Variants in RNF17 observed in about 807,000 individuals in gnomAD.
RNF17 encodes spermatogenesis associated 23.
A neutral mutation model predicts 200.5 loss-of-function variants in RNF17; 31 were observed. The observed-to-expected ratio is 0.15, with a 90% CI of 0.12 to 0.21. The LOEUF (loss-of-function observed/expected upper bound fraction) is 0.21. Ranked by LOEUF, RNF17 falls within the 10% of genes least tolerant of loss-of-function variation. RNF17 has a pLI of 1.00. For missense variants in RNF17, 1,628 were observed against 1,905.1 expected, an observed-to-expected ratio of 0.85 and a Z score of 2.71; for synonymous variants, 606 against 637.8, an observed-to-expected ratio of 0.95 and a Z score of 0.75.
At position 24,838,663 on chromosome 13, in the gene RNF17, A is replaced by G. The variant is rs143999391; in HGVS notation, c.2483-3378A>G. ...CTCCCAGGAATTTGGCATACAAGGGACATACCTTAATGTAATAAAAGCCAT... is the reference window on the plus strand; with the variant it reads ...CTCCCAGGAATTTGGCATACAAGGGGCATACCTTAATGTAATAAAAGCCAT... On this transcript the variant is annotated intron_variant, in intron 18 of 35. Coordinates refer to ENST00000255324, the MANE Select transcript of RNF17 (RefSeq NM_031277.3). 4.4e-3 allele frequency among the ~76,000 whole-genome samples: 663 copies of G among 152,290 alleles called. 4 individuals carry two copies. The highest frequency in any genetic ancestry group is 0.015 in the African/African-American group (629 of 41,566).
In RNF17 at chr13:24,804,314, A is replaced by G. The variant is rs1885596582; in HGVS notation, c.1976A>G (p.His659Arg). 2 of 1,613,070 alleles carry G rather than the reference A, an allele frequency of 1.2e-6. No homozygotes were observed. The highest frequency in any genetic ancestry group is 1.7e-5 in the Admixed American group (1 of 59,952). ...AKFKSQSLRS[H>R]FEKNTTLHYH... The stretch of plus-strand genomic sequence containing the variant: ...TTTAAGTCACAATCACTAAGAAGTC[A>G]CTTTGAAAAAAATACTACTTTACAC... The change falls in exon 15 of 36, where the codon CAC becomes CGC. Residue 659 changes from histidine (H) to arginine (R), a missense_variant. By Grantham distance (29) the His-to-Arg change is conservative. Around this residue, in one of 5 missense-constraint regions of RNF17, gnomAD observed 289 missense variants for 384.9 expected, o/e 0.75. Transcript: ENST00000255324.
At chr13:24,815,335 T>G (rs1371429662) in intron 15 of RNF17, among the ~76,000 whole-genome samples, 2 of 152,176 alleles carry the variant, frequency 1.3e-5, no homozygotes, top group Non-Finnish European at 2.9e-5. Flanking sequence ...CTCTTCAATT[T>G]GCTCATTTAC....
chr13:24,798,652 A>T (rs919246458), intron 11 of RNF17, among the ~76,000 whole-genome samples: 5 of 152,138 alleles, frequency 3.3e-5, no homozygotes, highest in South Asian at 2.1e-4. Context: ...AGTTTTCCTC[A>T]CCTATGATAG....
intron 23 of RNF17, 112 bp downstream of exon 23, chr13:24,850,555 A>C: frequency 1.4e-6 from 1 of 695,202 alleles, no homozygotes; most frequent in South Asian, 2.2e-5. Flanking sequence ...TTTTGTTACA[A>C]ATTTTGTCGG....
intron 24 of RNF17, among the ~76,000 whole-genome samples, chr13:24,852,557 T>C (rs945000269): frequency 6.6e-6 from 1 of 152,208 alleles, no homozygotes; most frequent in Non-Finnish European, 1.5e-5. Context: ...TTAACTTATA[T>C]CTTACCTTCT....
intron 18 of RNF17, among the ~76,000 whole-genome samples, chr13:24,839,042 A>C (rs1417703443): frequency 6.6e-6 from 1 of 152,198 alleles, no homozygotes; most frequent in Admixed American, 6.5e-5. Context: ...CCAAGTGGAG[A>C]ATCAAATCAA....
chr13:24,860,746 A>C (rs1224307616), intron 26 of RNF17, among the ~76,000 whole-genome samples: 1 of 152,200 alleles, frequency 6.6e-6, no homozygotes, highest in Admixed American at 6.5e-5. Context: ...TTTTTTCAAA[A>C]AAAAGTCTGA....
chr13:24,807,009 T>C (rs1885970618), intron 15 of RNF17, among the ~76,000 whole-genome samples: 1 of 152,028 alleles, frequency 6.6e-6, no homozygotes, highest in East Asian at 1.9e-4. Context: ...TAGTATTCCA[T>C]GGTGTATGTG....
At chr13:24,844,004 T>G in intron 20 of RNF17, 33 bp downstream of exon 20, 1 of 625,776 alleles carries the variant, frequency 1.6e-6, no homozygotes, top group Non-Finnish European at 2.4e-6. Flanking sequence ...ATAAGGAAAA[T>G]ATTGCATATG....
intron 3 of RNF17, among the ~76,000 whole-genome samples, chr13:24,775,971 C>T (rs1427981390): frequency 1.3e-5 from 2 of 152,102 alleles, no homozygotes; most frequent in Non-Finnish European, 2.9e-5. Context: ...GATCAATTTC[C>T]TGGAACTGTA....
chr13:24,849,607 A>T (rs980578744), intron 22 of RNF17, among the ~76,000 whole-genome samples: 6 of 152,210 alleles, frequency 3.9e-5, no homozygotes, highest in African/African-American at 1.4e-4. Context: ...ATGAAATTGG[A>T]TACTCTGCAT....
At chr13:24,874,381 G>T in intron 33 of RNF17, 132 bp downstream of exon 33, 3 of 670,674 alleles carry the variant, frequency 4.5e-6, no homozygotes, top group South Asian at 2.8e-5. Flanking sequence ...AATTTTTTTC[G>T]TGTTAAAGTA....
intron 11 of RNF17, among the ~76,000 whole-genome samples, chr13:24,797,673 T>G (rs1884729510): frequency 7.8e-6 from 1 of 128,710 alleles, no homozygotes; most frequent in Non-Finnish European, 1.6e-5. Context: ...CCAGTCTGAG[T>G]GGCAGGGAGA....
Position 24,848,848 on chromosome 13 carries a change from C to T in RNF17, c.3102-1493C>T, listed in dbSNP as rs117517529. 5.3e-3 allele frequency among the ~76,000 whole-genome samples: 811 copies of T among 152,196 alleles called. 22 individuals carry two copies. The East Asian group carries it at 0.081, about 15-fold the overall frequency. On this transcript the variant is annotated intron_variant, in intron 22 of 35. Transcript: ENST00000255324. ...ACATTGACTTATATTTATATACCAT[C>T]GTAATAAATAAACCATAACTGGTTC...
intron 24 of RNF17, among the ~76,000 whole-genome samples, chr13:24,851,860 G>A (rs1429582790): frequency 6.6e-6 from 1 of 152,172 alleles, no homozygotes; most frequent in African/African-American, 2.4e-5. Flanking sequence ...AGAGAACAAT[G>A]TAGTGGATAC....
the RNF17 span, among the ~76,000 whole-genome samples, chr13:24,748,223 C>T: frequency 1.3e-5 from 2 of 152,210 alleles, no homozygotes; most frequent in Non-Finnish European, 2.9e-5. Flanking sequence ...TTTGGGAAAC[C>T]TCTCCACAAC....
At chr13:24,777,982 C>T (rs1881799867) in intron 3 of RNF17, among the ~76,000 whole-genome samples, 1 of 152,052 alleles carries the variant, frequency 6.6e-6, no homozygotes, top group Non-Finnish European at 1.5e-5. Flanking sequence ...TGTACGTGGG[C>T]CAGGCACAGT....
chr13:24,873,312 A>G (rs1460921187), intron 32 of RNF17, among the ~76,000 whole-genome samples: 1 of 152,218 alleles, frequency 6.6e-6, no homozygotes, highest in East Asian at 1.9e-4. Context: ...ATTAGTGAAC[A>G]AAGGCTTATA....
chr13:24,867,565 C>CT (rs550721767), intron 30 of RNF17, among the ~76,000 whole-genome samples: 1 of 151,490 alleles, frequency 6.6e-6, no homozygotes. Flanking sequence ...TAGGTTCAAA[C>CT]TTTTTTTTTG....
Sources: gnomAD v4.1 joint callset for allele counts (sites outside exome capture counted in the v4.1 genomes callset) on GRCh38, gnomAD v4.1.1 for gene constraint, gnomAD v4.1.1 regional missense constraint, MANE v1.5 for transcripts, NCBI Gene and HGNC (gene_info 2026-07-23, HGNC 2026-07-21) for gene names.